The following ACOT6 variants were observed in gnomAD, a reference collection of about 807,000 sequenced individuals.
ACOT6 encodes acyl-coenzyme A thioesterase 6.
In ACOT6, 14 loss-of-function variants were observed where a neutral mutation model predicts 12.3. That is an observed-to-expected ratio of 1.14 (90% CI 0.75 to 1.78). The LOEUF is 1.78. ACOT6 is among the 40% of genes most tolerant of loss of function. The pLI is 0.00. For missense variants in ACOT6, 523 were observed against 551.8 expected, an observed-to-expected ratio of 0.95 and a Z score of 0.52; for synonymous variants, 218 against 231.3, an observed-to-expected ratio of 0.94 and a Z score of 0.52.
At chr14:73,612,043 T>TC (rs1595184420), upstream of ACOT6, among the ~76,000 whole-genome samples, 2 of 150,450 alleles carry the variant, frequency 1.3e-5, no homozygotes, top group East Asian at 3.9e-4. Context: ...AGTCATTAAC[T>TC]CTTTTTTTTT....
rs60415801 is a variant in ACOT6, at chr14:73,614,746, CAA to C, written c.461+1732_461+1733del. Among the ~76,000 whole-genome samples, 585 of 113,004 alleles carry C rather than the reference CAA, an allele frequency of 5.2e-3. 3 individuals carry two copies. Among genetic ancestry groups the C allele is most frequent in the African/African-American group, 0.011 (313 of 29,418 alleles). 74.1% of individuals were successfully genotyped at this position (113,004 alleles called of 152,430 possible). A position where few individuals can be genotyped will look rare whatever the true frequency, so the allele number is the denominator to read the frequency against. Reference sequence around the variant, plus strand: ...TGGGCGACAGAGCGAGACCCTGTCTCAAAAAAAAAAAAAAAAAAATCACACTG... The same window carrying C: ...TGGGCGACAGAGCGAGACCCTGTCTCAAAAAAAAAAAAAAAAATCACACTG... On this transcript the variant is annotated intron_variant, in intron 1 of 2. Transcript: ENST00000645972.
At chr14:73,618,001 G>A (rs886642466) in intron 2 of ACOT6, among the ~76,000 whole-genome samples, 2 of 151,822 alleles carry the variant, frequency 1.3e-5, no homozygotes, top group African/African-American at 2.4e-5. Context: ...AAATTAGCTG[G>A]GCATGGTGGT....
intron 2 of ACOT6, 151 bp downstream of exon 2, chr14:73,617,343 G>A: frequency 9.2e-7 from 1 of 1,081,822 alleles, no homozygotes. Flanking sequence ...AGCTGGGCAT[G>A]GTGATGTGCA....
chr14:73,612,018 T>C (rs903328228), upstream of ACOT6, among the ~76,000 whole-genome samples: 7 of 152,066 alleles, frequency 4.6e-5, no homozygotes, highest in East Asian at 7.7e-4. Context: ...ACTCACCACA[T>C]TGGATTGCAG....
At chr14:73,612,446 C>A, upstream of ACOT6, 1 of 621,300 alleles carries the variant, frequency 1.6e-6, no homozygotes, top group Non-Finnish European at 2.4e-6. Flanking sequence ...AGCCTGTCCC[C>A]AAGTCCAACC....
In ACOT6 at chr14:73,612,929, C is replaced by A; in HGVS notation, c.358C>A (p.Leu120Met). The part of the protein sequence containing the change: ...DGHDTEPGRL[L>M]CLAQNKRDFL... ...CCACGACACCGAGCCCGGGCGGCTG[C>A]TGTGCCTGGCGCAGAACAAGCGCGA... is the stretch of plus-strand genomic sequence containing the variant. The change falls in exon 1 of 3, where the codon CTG becomes ATG. Residue 120 changes from leucine to methionine, a missense_variant. Leu to Met is a conservative substitution (Grantham distance 15, BLOSUM62 2). Transcript: ENST00000645972. The A allele has an allele frequency of 7.5e-7, 1 of 1,339,308 alleles. No homozygotes were observed. Among genetic ancestry groups the A allele is most frequent in the Non-Finnish European group, 1.0e-6 (1 of 1,002,406 alleles). The allele number at this position is 1,339,308 out of a possible 1,614,324, so 83.0% of individuals were successfully genotyped here.
chr14:73,612,620 G>A lies in ACOT6; in HGVS notation c.49G>A (p.Glu17Lys). 5 of 1,415,304 alleles carry A rather than the reference G, an allele frequency of 3.5e-6. No homozygotes were observed. Among genetic ancestry groups the A allele is most frequent in the Middle Eastern group, 2.5e-4 (1 of 4,038 alleles). 87.7% of individuals were successfully genotyped at this position (1,415,304 alleles called of 1,614,324 possible). The change falls in exon 1 of 3, where the codon GAG becomes AAG. Residue 17 changes from glutamate to lysine, a missense_variant. Glu to Lys is a moderately conservative substitution (Grantham distance 56). Coordinates refer to ENST00000645972, the MANE Select transcript of ACOT6 (RefSeq NM_001365788.1). ...GCCCGCGGGCCGCTGCTGCTGGGAC[G>A]AGCCGCTGCGCATCGCAGTGCGCGG... Reference protein sequence around the residue: ...LEPAGRCCWDEPLRIAVRGLA... With the variant: ...LEPAGRCCWDKPLRIAVRGLA...
chr14:73,612,668 A>ACGCTGCGCACGT lies in ACOT6; in HGVS notation c.99_110dup (p.Thr36_Arg39dup). 1 of 1,412,722 alleles carries ACGCTGCGCACGT rather than the reference A, an allele frequency of 7.1e-7. No individual in the cohort carries two copies. Among genetic ancestry groups the ACGCTGCGCACGT allele is most frequent in the South Asian group, 1.5e-5 (1 of 67,406 alleles). The allele number at this position is 1,412,722 out of a possible 1,614,324, so 87.5% of individuals were successfully genotyped here. On this transcript the variant is annotated inframe_insertion, in exon 1 of 3. Coordinates refer to ENST00000645972, the MANE Select transcript of ACOT6 (RefSeq NM_001365788.1). ...CGGCCTGGCCCCGGAGCAGCCAGTC[A>ACGCTGCGCACGT]CGCTGCGCACGTCCCTGCGCGACGA...
chr14:73,612,775 G>T lies in ACOT6; in HGVS notation c.204G>T (p.Leu68=). 1 of 1,368,942 alleles carries T rather than the reference G, an allele frequency of 7.3e-7. No homozygotes were observed. The highest frequency in any genetic ancestry group is 9.4e-7 in the Non-Finnish European group (1 of 1,066,650). 84.8% of individuals were successfully genotyped at this position (1,368,942 alleles called of 1,614,324 possible). The change falls in exon 1 of 3, where the codon CTG becomes CTT. Residue 68 remains leucine, a synonymous_variant. Transcript: ENST00000645972. The part of the protein sequence containing the change: ...DELDLERAPA[L]GGSFAGLQPM... ...TGGACCTGGAGCGCGCGCCCGCGCT[G>T]GGAGGCAGCTTCGCGGGGCTCCAGC... is the stretch of plus-strand genomic sequence containing the variant.
rs1669075388 is a variant in ACOT6, at chr14:73,612,969, G to C, written c.398G>C (p.Gly133Ala). The change falls in exon 1 of 3, where the codon GGG becomes GCG. Residue 133 changes from glycine (G) to alanine (A), a missense_variant. Physicochemically the swap from Gly to Ala is moderately conservative, Grantham distance 60 (BLOSUM62 0). Around this residue, in one of 2 missense-constraint regions of ACOT6, gnomAD observed 304 missense variants for 274.8 expected, o/e 1.11. Coordinates refer to ENST00000645972, the MANE Select transcript of ACOT6 (RefSeq NM_001365788.1). ...AACAAGCGCGACTTTCTCCGGCCGG[G>C]GGTGCGGCGCGAGCCGGTGCGCGCG... ...AQNKRDFLRPGVRREPVRAGP... is the reference protein window; with the variant it reads ...AQNKRDFLRPAVRREPVRAGP... The C allele has an allele frequency of 5.8e-6, 7 of 1,197,404 alleles. No individual in the cohort carries two copies. The highest frequency in any genetic ancestry group is 6.7e-6 in the Non-Finnish European group (6 of 901,612). The allele number at this position is 1,197,404 out of a possible 1,614,324, so 74.2% of individuals were successfully genotyped here.
In ACOT6 at chr14:73,612,704, C is replaced by G; in HGVS notation, c.133C>G (p.Leu45Val). The part of the protein sequence containing the change: ...RTSLRDEEGA[L>V]FRAHARYRAD... ...GTCCCTGCGCGACGAAGAGGGCGCG[C>G]TCTTCCGGGCCCACGCGCGCTACCG... Residue 45 changes from leucine to valine, a missense_variant, in exon 1 of 3, where the codon CTC becomes GTC. Physicochemically the swap from Leu to Val is conservative, Grantham distance 32. Transcript: ENST00000645972. 7.2e-7 allele frequency: 1 copy of G among 1,396,120 alleles called. No homozygotes were observed. Among genetic ancestry groups the G allele is most frequent in the Non-Finnish European group, 9.2e-7 (1 of 1,081,086 alleles). 86.5% of individuals were successfully genotyped at this position (1,396,120 alleles called of 1,614,324 possible).
At chr14:73,615,422 A>T (rs1429494202) in intron 1 of ACOT6, among the ~76,000 whole-genome samples, 1 of 146,314 alleles carries the variant, frequency 6.8e-6, no homozygotes, top group African/African-American at 2.5e-5. Context: ...AAACAAAAAA[A>T]ACCAGCAACA....
At position 73,612,549 on chromosome 14, in the gene ACOT6, G is replaced by T; in HGVS notation, c.-23G>T. 1 of 1,293,954 alleles carries T rather than the reference G, an allele frequency of 7.7e-7. No individual in the cohort carries two copies. Among genetic ancestry groups the T allele is most frequent in the African/African-American group, 1.6e-5 (1 of 64,192 alleles). The allele number at this position is 1,293,954 out of a possible 1,614,324, so 80.2% of individuals were successfully genotyped here. ...CCCACTGACTCCGCGGAGCTGGGTC[G>T]CCCCTGTTCTACCCAGATTGGGATG... On this transcript the variant is annotated 5_prime_UTR_variant, in exon 1 of 3. Transcript: ENST00000645972.
rs938966915 is a variant in ACOT6, at chr14:73,619,746, C to T, written c.1173C>T (p.His391=). The change falls in exon 3 of 3, where the codon CAC becomes CAT. Residue 391 remains histidine, a synonymous_variant. Coordinates refer to ENST00000645972, the MANE Select transcript of ACOT6 (RefSeq NM_001365788.1). Reference sequence around the variant, plus strand: ...TCTATGGAGGTGAGCCAAAGGCTCACTCAAAGGCACAGGTAGATGCCTGGC... The same window carrying T: ...TCTATGGAGGTGAGCCAAAGGCTCATTCAAAGGCACAGGTAGATGCCTGGC... ...AIFYGGEPKA[H]SKAQVDAWQQ... 1.2e-6 allele frequency: 2 copies of T among 1,613,968 alleles called. No homozygotes were observed. The highest frequency in any genetic ancestry group is 1.3e-5 in the African/African-American group (1 of 75,030).
intron 1 of ACOT6, among the ~76,000 whole-genome samples, chr14:73,615,655 G>T (rs983953831): frequency 2.6e-5 from 4 of 151,610 alleles, no homozygotes; most frequent in African/African-American, 9.7e-5. Context: ...GCTTGAACCC[G>T]GGGGGAGACG....
In ACOT6 at chr14:73,619,567, G is replaced by C; in HGVS notation, c.994G>C (p.Glu332Gln). The change falls in exon 3 of 3, where the codon GAA (glutamate) becomes CAA (glutamine). Residue 332 changes from glutamate (E) to glutamine (Q), a missense_variant. Transcript: ENST00000645972. The stretch of plus-strand genomic sequence containing the variant: ...CATGGATGATCAAAGCTGGAAGAGT[G>C]AATTCTATGCTCAGATAGCCTCTGA... ...VGMDDQSWKSEFYAQIASERL... is the reference protein window; with the variant it reads ...VGMDDQSWKSQFYAQIASERL... The C allele has an allele frequency of 1.2e-6, 2 of 1,614,234 alleles. No homozygotes were observed. Among genetic ancestry groups the C allele is most frequent in the Non-Finnish European group, 1.7e-6 (2 of 1,180,040 alleles).
intron 2 of ACOT6, 40 bp downstream of exon 2, chr14:73,617,232 T>C (rs747146855): frequency 4.3e-6 from 7 of 1,613,844 alleles, no homozygotes; most frequent in South Asian, 1.1e-5. Context: ...AGAGAGGGGA[T>C]AGAGCTGATG....
chr14:73,614,647 T>C (rs1009556973), intron 1 of ACOT6, among the ~76,000 whole-genome samples: 13 of 151,148 alleles, frequency 8.6e-5, no homozygotes, highest in African/African-American at 3.2e-4. Flanking sequence ...CTAGGGAGGC[T>C]GAGGTGGGAG....
chr14:73,615,435 G>GA (rs202023546), intron 1 of ACOT6, among the ~76,000 whole-genome samples: 55 of 88,692 alleles, frequency 6.2e-4, no homozygotes, highest in East Asian at 1.4e-3. Flanking sequence ...CAGCAACAAC[G>GA]AAAAAAAAAA....
Sources: allele counts gnomAD v4.1 joint callset (sites outside exome capture counted in the v4.1 genomes callset), GRCh38; gene constraint gnomAD v4.1.1; regional missense constraint gnomAD v4.1.1; transcripts MANE v1.5; gene names NCBI Gene and HGNC (gene_info 2026-07-23, HGNC 2026-07-21).